The following RAP1GDS1 variants were observed in gnomAD, a reference collection of about 807,000 sequenced individuals.
The protein encoded by RAP1GDS1 is RAP1, GTP-GDP dissociation stimulator 1.
Under a neutral mutation model 71.1 loss-of-function variants are expected in RAP1GDS1, and 35 were observed. The ratio of observed to expected loss-of-function variants is 0.49; its 90% CI spans 0.38 to 0.65. The LOEUF (loss-of-function observed/expected upper bound fraction) is 0.65, where lower values mean the gene tolerates loss of function less well. Among genes scored for constraint, RAP1GDS1 ranks in the 30% least tolerant of loss-of-function variants. RAP1GDS1 has a pLI of 0.00. For synonymous variants in RAP1GDS1, 229 were observed against 243.1 expected, an observed-to-expected ratio of 0.94 and a Z score of 0.54; for missense variants, 663 against 706.1, an observed-to-expected ratio of 0.94 and a Z score of 0.69.
intron 10 of RAP1GDS1, among the ~76,000 whole-genome samples, chr4:98,419,249 T>C (rs1022371243): frequency 1.3e-5 from 2 of 151,936 alleles, no homozygotes; most frequent in Non-Finnish European, 1.5e-5. Context: ...AAACAGGATC[T>C]CACTATGTTG....
Position 98,325,466 on chromosome 4 carries a change from T to G in RAP1GDS1, c.113-17673T>G, listed in dbSNP as rs1231019860. ...TAAATCATGCTGCTATAAAGACACA[T>G]GCACATGTATGTTTATTGTGGCATT... On this transcript the variant is annotated intron_variant, in intron 2 of 14. Transcript: ENST00000408927. Among the ~76,000 whole-genome samples the G allele has an allele frequency of 6.6e-4, 101 of 151,964 alleles. 2 individuals carry two copies. The East Asian group carries it at 0.014, about 22-fold the overall frequency.
chr4:98,384,561 G>T (rs920784977), intron 5 of RAP1GDS1, among the ~76,000 whole-genome samples: 2 of 151,606 alleles, frequency 1.3e-5, no homozygotes, highest in African/African-American at 4.8e-5. Flanking sequence ...TGACCAATTA[G>T]ACCAGGTTAG....
chr4:98,427,436 CTGA>C (rs1269756246), intron 12 of RAP1GDS1, among the ~76,000 whole-genome samples: 3 of 152,082 alleles, frequency 2.0e-5, no homozygotes, highest in Non-Finnish European at 4.4e-5. Flanking sequence ...TTGCTATTTG[CTGA>C]TGATATGACT....
chr4:98,273,062 A>G (rs1012806406), intron 1 of RAP1GDS1, among the ~76,000 whole-genome samples: 9 of 152,076 alleles, frequency 5.9e-5, no homozygotes, highest in African/African-American at 1.4e-4. Flanking sequence ...ATTGCTCTCA[A>G]TTGGTCATTG....
chr4:98,293,766 C>T (rs550121646), intron 2 of RAP1GDS1, among the ~76,000 whole-genome samples: 1 of 152,108 alleles, frequency 6.6e-6, no homozygotes, highest in South Asian at 2.1e-4. Flanking sequence ...ACATTAATAC[C>T]AGTCCCAGAG....
chr4:98,431,973 T>C (rs1750472586), intron 12 of RAP1GDS1, among the ~76,000 whole-genome samples: 2 of 152,194 alleles, frequency 1.3e-5, no homozygotes, highest in African/African-American at 4.8e-5. Context: ...AGGGTACATG[T>C]GCACAACGTG....
rs73834457 is a variant in RAP1GDS1 at position 98,376,426 on chromosome 4, C to T, written c.362-2591C>T. On this transcript the variant is annotated intron_variant, in intron 4 of 14. Coordinates refer to ENST00000408927, the MANE Select transcript of RAP1GDS1 (RefSeq NM_001100427.2). ...ACTATGGAAAACCAATTTATATGGA[C>T]TTGTGCAATGATAGCTGTTGTATTT... Among the ~76,000 whole-genome samples, 756 of 152,028 alleles carry T rather than the reference C, an allele frequency of 5.0e-3. 7 individuals carry two copies. Among genetic ancestry groups the T allele is most frequent in the South Asian group, 0.018 (86 of 4,826 alleles).
rs760989878 is a variant in RAP1GDS1 at position 98,436,926 on chromosome 4, T to G, written c.1568-14T>G. On this transcript the variant is annotated splice_polypyrimidine_tract_variant and intron_variant, in intron 13 of 14. Coordinates refer to ENST00000408927, the MANE Select transcript of RAP1GDS1 (RefSeq NM_001100427.2). ...GGGTTCGTACGCAGTAGATATACTTTGTTTTATTTGTAGGCACTGCTGAGA... is the reference window on the plus strand; with the variant it reads ...GGGTTCGTACGCAGTAGATATACTTGGTTTTATTTGTAGGCACTGCTGAGA... 6.3e-7 allele frequency: 1 copy of G among 1,586,422 alleles called. No homozygotes were observed. The highest frequency in any genetic ancestry group is 1.2e-5 in the South Asian group (1 of 86,298).
intron 1 of RAP1GDS1, among the ~76,000 whole-genome samples, chr4:98,279,999 A>G (rs1039160889): frequency 2.6e-5 from 4 of 152,146 alleles, no homozygotes; most frequent in African/African-American, 9.7e-5. Context: ...TTCTTAATCT[A>G]GTCTATCATT....
intron 4 of RAP1GDS1, among the ~76,000 whole-genome samples, chr4:98,360,159 T>C (rs933214934): frequency 2.0e-5 from 3 of 152,206 alleles, no homozygotes; most frequent in African/African-American, 7.2e-5. Flanking sequence ...TCCCCATGCT[T>C]GATTACTTTC....
chr4:98,321,508 G>C (rs1489557322), intron 2 of RAP1GDS1, among the ~76,000 whole-genome samples: 1 of 139,550 alleles, frequency 7.2e-6, no homozygotes, highest in Non-Finnish European at 1.6e-5. Flanking sequence ...AAAATGTTAA[G>C]GGCAGCCAGA....
In RAP1GDS1 at chr4:98,406,410, A is replaced by T. The variant is rs60148186; in HGVS notation, c.763+1808A>T. Among the ~76,000 whole-genome samples, 758 of 152,108 alleles carry T rather than the reference A, an allele frequency of 5.0e-3. 7 individuals carry two copies. The highest frequency in any genetic ancestry group is 0.018 in the South Asian group (87 of 4,820). On this transcript the variant is annotated intron_variant, in intron 7 of 14. Coordinates refer to ENST00000408927, the MANE Select transcript of RAP1GDS1 (RefSeq NM_001100427.2). Reference sequence around the variant, plus strand: ...GGTAGTTATATTAATATCAAGTAAAATAGATTTTAAGATGAAAAGACTTGC... The same window carrying T: ...GGTAGTTATATTAATATCAAGTAAATTAGATTTTAAGATGAAAAGACTTGC...
chr4:98,416,911 C>G, intron 8 of RAP1GDS1, 23 bp downstream of exon 8: 6 of 1,607,292 alleles, frequency 3.7e-6, no homozygotes, highest in Non-Finnish European at 5.1e-6. Flanking sequence ...TTATGCCAGC[C>G]AAAGAATGTG....
intron 4 of RAP1GDS1, among the ~76,000 whole-genome samples, chr4:98,376,496 G>T (rs1017945311): frequency 6.6e-5 from 10 of 151,984 alleles, no homozygotes; most frequent in African/African-American, 1.9e-4. Flanking sequence ...TAAGTCAGTT[G>T]TAAGATACTT....
intron 7 of RAP1GDS1, among the ~76,000 whole-genome samples, chr4:98,409,946 A>T (rs1578779981): frequency 6.6e-6 from 1 of 152,164 alleles, no homozygotes; most frequent in African/African-American, 2.4e-5. Context: ...CTAATCATAA[A>T]GGAAAAAATT....
intron 5 of RAP1GDS1, among the ~76,000 whole-genome samples, chr4:98,382,801 T>C (rs1335249863): frequency 3.3e-5 from 5 of 151,704 alleles, no homozygotes; most frequent in African/African-American, 1.2e-4. Context: ...AACATGTTAT[T>C]GGAATGCATT....
intron 2 of RAP1GDS1, 37 bp from the exon 3 acceptor site, chr4:98,343,102 G>T: frequency 6.4e-7 from 1 of 1,561,668 alleles, no homozygotes; most frequent in Non-Finnish European, 8.7e-7. Flanking sequence ...TAGCATTAAA[G>T]ATTTTCACTG....
intron 4 of RAP1GDS1, among the ~76,000 whole-genome samples, chr4:98,354,551 T>C (rs142258122): frequency 1.3e-3 from 204 of 152,338 alleles, no homozygotes; most frequent in African/African-American, 4.3e-3. Flanking sequence ...TTTTATTTCC[T>C]GTGTATTCTA....
At chr4:98,274,467 A>G (rs756714112) in intron 1 of RAP1GDS1, among the ~76,000 whole-genome samples, 3 of 152,150 alleles carry the variant, frequency 2.0e-5, no homozygotes, top group Non-Finnish European at 4.4e-5. Context: ...ATACATGATA[A>G]ATTGTTTTCC....
Sources: gnomAD v4.1 joint callset for allele counts (sites outside exome capture counted in the v4.1 genomes callset) on GRCh38, gnomAD v4.1.1 for gene constraint, MANE v1.5 for transcripts, NCBI Gene and HGNC (gene_info 2026-07-23, HGNC 2026-07-21) for gene names.